NLGN1: variants seen among roughly 807,000 people sequenced by gnomAD.
NLGN1 encodes neuroligin 1.
Under a neutral mutation model 65.5 loss-of-function variants are expected in NLGN1, and 12 were observed. That is an observed-to-expected ratio of 0.18 (90% CI 0.12 to 0.30). NLGN1 has a LOEUF of 0.30. NLGN1 is among the 10% of genes least tolerant of loss of function. The pLI is 1.00. For synonymous variants in NLGN1, 350 were observed against 359.5 expected, an observed-to-expected ratio of 0.97 and a Z score of 0.30; for missense variants, 750 against 1,007.1, an observed-to-expected ratio of 0.74 and a Z score of 3.46.
intron 1 of NLGN1, among the ~76,000 whole-genome samples, chr3:173,422,627 CTGT>C (rs764261330): frequency 6.6e-6 from 1 of 152,062 alleles, no homozygotes; most frequent in Non-Finnish European, 1.5e-5. Context: ...TTGCCAGCAT[CTGT>C]TATTTTTTTG....
intron 2 of NLGN1, among the ~76,000 whole-genome samples, chr3:173,519,631 C>CT (rs1734427901): frequency 6.6e-6 from 1 of 151,774 alleles, no homozygotes; most frequent in African/African-American, 2.4e-5. Flanking sequence ...TAGGCCTTTT[C>CT]TTTTTGCCAA....
chr3:173,787,886 A>G (rs894441738), intron 3 of NLGN1, among the ~76,000 whole-genome samples: 27 of 152,244 alleles, frequency 1.8e-4, no homozygotes, highest in African/African-American at 6.0e-4. Context: ...GTTGGTGAAC[A>G]TAAATGCCTT....
intron 2 of NLGN1, among the ~76,000 whole-genome samples, chr3:173,601,268 A>C (rs186848842): frequency 2.3e-3 from 350 of 152,132 alleles, no homozygotes; most frequent in Non-Finnish European, 3.9e-3. Context: ...GGGAATTCAA[A>C]TACTAAAGTT....
At chr3:174,161,362 A>G (rs1440782121) in intron 4 of NLGN1, among the ~76,000 whole-genome samples, 1 of 151,896 alleles carries the variant, frequency 6.6e-6, no homozygotes, top group Non-Finnish European at 1.5e-5. Context: ...GGAGCAAAAT[A>G]TTTAATTCAT....
intron 2 of NLGN1, among the ~76,000 whole-genome samples, chr3:173,525,735 T>C (rs1194621973): frequency 1.3e-5 from 2 of 152,150 alleles, no homozygotes; most frequent in Non-Finnish European, 2.9e-5. Context: ...AGGCATTTAA[T>C]GCTATAAGCT....
chr3:173,982,814 G>A (rs940788691), intron 4 of NLGN1, among the ~76,000 whole-genome samples: 1 of 152,048 alleles, frequency 6.6e-6, no homozygotes, highest in African/African-American at 2.4e-5. Flanking sequence ...AACATATCAG[G>A]CCCAAATTTA....
At chr3:173,427,998 G>A (rs895778283) in intron 1 of NLGN1, among the ~76,000 whole-genome samples, 23 of 151,676 alleles carry the variant, frequency 1.5e-4, no homozygotes, top group Admixed American at 1.1e-3. Context: ...TCCAGTGTTG[G>A]AGTACATATG....
chr3:173,759,190 T>C, intron 3 of NLGN1, among the ~76,000 whole-genome samples: 1 of 152,014 alleles, frequency 6.6e-6, no homozygotes, highest in Middle Eastern at 3.4e-3. Flanking sequence ...AATTTTCATG[T>C]CTTTGGTTTA....
intron 4 of NLGN1, among the ~76,000 whole-genome samples, chr3:174,151,568 CAG>C (rs756042666): frequency 1.8e-4 from 23 of 127,164 alleles, no homozygotes; most frequent in Non-Finnish European, 3.4e-4. Flanking sequence ...AAACGTATGA[CAG>C]ACAGATTAAG....
chr3:173,631,259 T>G (rs1026811218), intron 3 of NLGN1, among the ~76,000 whole-genome samples: 3 of 152,134 alleles, frequency 2.0e-5, no homozygotes, highest in Admixed American at 6.6e-5. Flanking sequence ...GAATACAAAT[T>G]TATTGTTTTG....
At chr3:173,646,424 C>CTG (rs1310195183) in intron 3 of NLGN1, among the ~76,000 whole-genome samples, 1 of 152,114 alleles carries the variant, frequency 6.6e-6, no homozygotes, top group Non-Finnish European at 1.5e-5. Flanking sequence ...GGTTATAGTC[C>CTG]TGTGTGTGTG....
intron 3 of NLGN1, among the ~76,000 whole-genome samples, chr3:173,674,384 A>G (rs200837961): frequency 8.7e-5 from 12 of 138,660 alleles, no homozygotes; most frequent in African/African-American, 9.7e-5. Context: ...CATTATCCCA[A>G]CTTTACAGAT....
chr3:173,673,541 TG>T (rs1344990910), intron 3 of NLGN1, among the ~76,000 whole-genome samples: 1 of 152,182 alleles, frequency 6.6e-6, no homozygotes, highest in Non-Finnish European at 1.5e-5. Flanking sequence ...ATGCAATTTT[TG>T]CAGGAATGTT....
chr3:174,157,001 T>TAA (rs1725566024), intron 4 of NLGN1, among the ~76,000 whole-genome samples: 1 of 149,206 alleles, frequency 6.7e-6, no homozygotes, highest in African/African-American at 2.5e-5. Flanking sequence ...TTTATATATA[T>TAA]AATATAAATG....
chr3:173,724,912 C>T (rs987300086), intron 3 of NLGN1, among the ~76,000 whole-genome samples: 1 of 152,034 alleles, frequency 6.6e-6, no homozygotes, highest in South Asian at 2.1e-4. Flanking sequence ...AACCATCATT[C>T]TCAGCAAACT....
chr3:173,517,792 A>ATCTG (rs1361282112), intron 2 of NLGN1, among the ~76,000 whole-genome samples: 1 of 151,674 alleles, frequency 6.6e-6, no homozygotes, highest in African/African-American at 2.4e-5. Flanking sequence ...CTATCTATCT[A>ATCTG]TCTATCTATC....
chr3:173,713,592 C>G (rs1443684912), intron 3 of NLGN1, among the ~76,000 whole-genome samples: 2 of 151,978 alleles, frequency 1.3e-5, no homozygotes, highest in Non-Finnish European at 2.9e-5. Flanking sequence ...ATGTTCTGTA[C>G]AGATATTTTC....
downstream of NLGN1, among the ~76,000 whole-genome samples, chr3:174,290,875 TAAG>T (rs1252184136): frequency 2.7e-5 from 4 of 150,826 alleles, no homozygotes; most frequent in Non-Finnish European, 5.9e-5. Context: ...AGATAACAGG[TAAG>T]AAGTTCTGAC....
chr3:173,418,151 A>G (rs1714176118), intron 1 of NLGN1, among the ~76,000 whole-genome samples: 2 of 150,434 alleles, frequency 1.3e-5, no homozygotes, highest in South Asian at 4.2e-4. Context: ...CATTTCTTTC[A>G]CATATTAATA....
Sources: allele counts gnomAD v4.1 joint callset (sites outside exome capture counted in the v4.1 genomes callset), GRCh38; gene constraint gnomAD v4.1.1; transcripts MANE v1.5; gene names NCBI Gene and HGNC (gene_info 2026-07-23, HGNC 2026-07-21).